KIAA1217: variants seen among roughly 807,000 people sequenced by gnomAD.
KIAA1217 encodes KIAA1217.
In KIAA1217, 88 loss-of-function variants were observed where a neutral mutation model predicts 163.9. The observed-to-expected ratio is 0.54, with a 90% CI of 0.45 to 0.64. The LOEUF (loss-of-function observed/expected upper bound fraction) is 0.64. KIAA1217 is among the 30% of genes least tolerant of loss of function. The pLI is 0.00. For missense variants in KIAA1217, 2,372 were observed against 2,475.0 expected (o/e 0.96, Z 0.88); for synonymous variants, 903 against 923.1 (o/e 0.98, Z 0.39).
chr10:24,374,382 A>G (rs1272103710), intron 2 of KIAA1217, among the ~76,000 whole-genome samples: 1 of 152,316 alleles, frequency 6.6e-6, no homozygotes, highest in Non-Finnish European at 1.5e-5. Context: ...GATGTCCACT[A>G]AACACTCGAT....
At chr10:23,875,536 T>C (rs1212301536) in intron 1 of KIAA1217, among the ~76,000 whole-genome samples, 1 of 151,904 alleles carries the variant, frequency 6.6e-6, no homozygotes, top group East Asian at 1.9e-4. Context: ...AAGCATGCTT[T>C]ATGAGGCTTT....
chr10:23,768,531 C>G (rs954752910), intron 1 of KIAA1217, among the ~76,000 whole-genome samples: 1 of 152,166 alleles, frequency 6.6e-6, no homozygotes, highest in African/African-American at 2.4e-5. Context: ...CTACTCTTGT[C>G]TACTAAAAGA....
At chr10:24,324,745 C>A (rs958254772) in intron 2 of KIAA1217, among the ~76,000 whole-genome samples, 1 of 152,070 alleles carries the variant, frequency 6.6e-6, no homozygotes, top group African/African-American at 2.4e-5. Context: ...ATCTTAGACC[C>A]TGTTTTGTTT....
intron 2 of KIAA1217, among the ~76,000 whole-genome samples, chr10:24,322,746 G>T (rs950700064): frequency 6.6e-6 from 1 of 152,058 alleles, no homozygotes; most frequent in African/African-American, 2.4e-5. Flanking sequence ...CACCTTGCAG[G>T]GCTGCTCATC....
chr10:24,185,020 C>T (rs1413719329), intron 2 of KIAA1217, among the ~76,000 whole-genome samples: 1 of 152,100 alleles, frequency 6.6e-6, no homozygotes, highest in Non-Finnish European at 1.5e-5. Context: ...GATGCATAGG[C>T]TGAAATTTTT....
At chr10:23,721,660 T>A (rs1019404550) in intron 1 of KIAA1217, among the ~76,000 whole-genome samples, 1 of 152,050 alleles carries the variant, frequency 6.6e-6, no homozygotes, top group African/African-American at 2.4e-5. Context: ...ATAAATAAAT[T>A]GTTAAAAAAA....
intron 1 of KIAA1217, among the ~76,000 whole-genome samples, chr10:24,210,282 G>A (rs1447801289): frequency 2.0e-5 from 3 of 152,176 alleles, no homozygotes; most frequent in Non-Finnish European, 4.4e-5. Flanking sequence ...AATGACAAGA[G>A]ATAGAAATCC....
chr10:24,401,269 G>T (rs2056497148), intron 3 of KIAA1217, among the ~76,000 whole-genome samples: 1 of 151,822 alleles, frequency 6.6e-6, no homozygotes, highest in African/African-American at 2.4e-5. Flanking sequence ...AGATAAACAA[G>T]ATTAGGAGTA....
intron 2 of KIAA1217, among the ~76,000 whole-genome samples, chr10:24,268,880 T>C (rs1294246081): frequency 7.1e-6 from 1 of 140,690 alleles, no homozygotes; most frequent in East Asian, 2.1e-4. Flanking sequence ...TATGCAGCCA[T>C]AAAAAATGAT....
chr10:23,775,317 G>A (rs1834962132), intron 1 of KIAA1217, among the ~76,000 whole-genome samples: 1 of 152,190 alleles, frequency 6.6e-6, no homozygotes, highest in Non-Finnish European at 1.5e-5. Flanking sequence ...GAAATGGGAA[G>A]TCAGAACAGC....
rs1420302818 is a variant in KIAA1217 at position 23,934,575 on chromosome 10, A to ATGTGTGTGTG, written c.-320-72649_-320-72648insGTGTGTGTGT. ...CTTTAAAGTATATATATATATATAT[A>ATGTGTGTGTG]TATATATATATATATGTATATATAT... On this transcript the variant is annotated intron_variant, in intron 1 of 18. Coordinates refer to the KIAA1217 transcript ENST00000376462. Among the ~76,000 whole-genome samples, 10 of 65,960 alleles carry ATGTGTGTGTG rather than the reference A, an allele frequency of 1.5e-4. 1 individual carries two copies. The highest frequency in any genetic ancestry group is 8.9e-4 in the African/African-American group (7 of 7,834). The allele number at this position is 65,960 out of a possible 152,430, so 43.3% of individuals were successfully genotyped here.
chr10:24,357,342 G>C (rs936835397), intron 2 of KIAA1217, among the ~76,000 whole-genome samples: 1 of 152,168 alleles, frequency 6.6e-6, no homozygotes, highest in African/African-American at 2.4e-5. Context: ...AATCAGAAGT[G>C]CATTCTGGAC....
rs1014301065 is a variant in KIAA1217, at chr10:23,804,226, A to G, written c.-321+108992A>G. 2.6e-5 allele frequency among the ~76,000 whole-genome samples: 4 copies of G among 152,152 alleles called. No individual in the cohort carries two copies. In the South Asian group the frequency reaches 6.2e-4, roughly 24 times the overall value. On this transcript the variant is annotated intron_variant, in intron 1 of 18. Coordinates refer to the KIAA1217 transcript ENST00000376462. ...ACAGGTAGAGTGAAACTATTCAAATATGACTTAAATCAACTGCCAGGATAC... is the reference window on the plus strand; with the variant it reads ...ACAGGTAGAGTGAAACTATTCAAATGTGACTTAAATCAACTGCCAGGATAC...
In KIAA1217 at chr10:24,545,854, G is replaced by A. The variant is rs770599341; in HGVS notation, c.5362G>A (p.Gly1788Arg). The A allele has an allele frequency of 1.2e-5, 19 of 1,603,834 alleles. 1 individual carries two copies. In the South Asian group the frequency reaches 1.6e-4, roughly 13 times the overall value. Residue 1788 changes from glycine (G) to arginine (R), a missense_variant, in exon 21 of 21, where the codon GGG becomes AGG. By Grantham distance (125) the Gly-to-Arg change is moderately radical. Coordinates refer to ENST00000376454, the MANE Select transcript of KIAA1217 (RefSeq NM_019590.5). ...QANGSAKKSG[G>R]DFKPTSPSLP... ...TAATGGAAGTGCTAAGAAATCTGGT[G>A]GGGACTTTAAGCCTACTTCCCCCTC...
chr10:24,286,479 T>TAC (rs1181549790), intron 2 of KIAA1217, among the ~76,000 whole-genome samples: 1 of 150,968 alleles, frequency 6.6e-6, no homozygotes, highest in African/African-American at 2.4e-5. Flanking sequence ...CACATACACA[T>TAC]ACACACACAC....
At chr10:24,488,907 G>C (rs1229946745) in intron 6 of KIAA1217, among the ~76,000 whole-genome samples, 1 of 152,118 alleles carries the variant, frequency 6.6e-6, no homozygotes, top group African/African-American at 2.4e-5. Context: ...TCAAAGAAAG[G>C]CATGCCTGGG....
chr10:24,110,064 A>G lies in KIAA1217; in HGVS notation c.-171+102690A>G, dbSNP rs145564444. On this transcript the variant is annotated intron_variant, in intron 2 of 18. Coordinates refer to the KIAA1217 transcript ENST00000376462. ...TTGGTTAATAATTGTTTACAAACCT[A>G]TCAAGTGCAAAGTGGCTCTGGTATA... Among the ~76,000 whole-genome samples, 237 of 152,340 alleles carry G rather than the reference A, an allele frequency of 1.6e-3. 3 individuals are homozygous for G. In the East Asian group the frequency reaches 0.028, roughly 18 times the overall value.
At chr10:24,000,388 G>A (rs111499719) in intron 1 of KIAA1217, among the ~76,000 whole-genome samples, 35,866 of 151,994 alleles carry the variant, frequency 0.24, 4,753 homozygotes, top group East Asian at 0.4. Context: ...CATTTTGCTC[G>A]GCACTTCTCC....
chr10:23,976,113 A>G (rs557321347), intron 1 of KIAA1217, among the ~76,000 whole-genome samples: 1 of 152,176 alleles, frequency 6.6e-6, no homozygotes, highest in African/African-American at 2.4e-5. Context: ...TCACTTTTTG[A>G]TGAAGAATTG....
Sources: allele counts gnomAD v4.1 joint callset (sites outside exome capture counted in the v4.1 genomes callset), GRCh38; gene constraint gnomAD v4.1.1; transcripts MANE v1.5; gene names NCBI Gene and HGNC (gene_info 2026-07-23, HGNC 2026-07-21).